U2AF2: variants seen among roughly 807,000 people sequenced by gnomAD.
The protein encoded by U2AF2 is splicing factor U2AF 65 kDa subunit.
In U2AF2, 6 loss-of-function variants were observed where a neutral mutation model predicts 52.6. The observed-to-expected ratio is 0.11, with a 90% CI of 0.06 to 0.23. The LOEUF is 0.23. Ranked by LOEUF, U2AF2 falls within the 10% of genes least tolerant of loss-of-function variation. The probability of loss-of-function intolerance (pLI) is 1.00; values close to 1 mark genes in which losing one functional copy is unlikely to be tolerated. For synonymous variants in U2AF2, 284 were observed against 258.2 expected, an observed-to-expected ratio of 1.10 and a Z score of -0.96; for missense variants, 222 against 677.1, an observed-to-expected ratio of 0.33 and a Z score of 7.46.
At chr19:55,666,251 C>T (rs1451827321) in intron 7 of U2AF2, among the ~76,000 whole-genome samples, 1 of 152,210 alleles carries the variant, frequency 6.6e-6, no homozygotes, top group East Asian at 1.9e-4. Context: ...GAGGAAAGAG[C>T]TTCGGGACAA....
chr19:55,666,765 T>A (rs772873066), intron 7 of U2AF2, among the ~76,000 whole-genome samples: 2 of 152,216 alleles, frequency 1.3e-5, no homozygotes, highest in Non-Finnish European at 2.9e-5. Flanking sequence ...TGGCTCTGTG[T>A]TGCTCAAGTG....
Position 55,674,424 on chromosome 19 carries a change from T to G in U2AF2, c.*356T>G. The G allele has an allele frequency of 9.1e-6, 2 of 219,272 alleles. No individual in the cohort carries two copies. Among genetic ancestry groups the G allele is most frequent in the African/African-American group, 2.3e-5 (1 of 43,676 alleles). The allele number at this position is 219,272 out of a possible 1,614,324, so 13.6% of individuals were successfully genotyped here. ...TCCCATAGACCCCTTTCTTCTCCCCTTCCCCACGGTAGGAACATAGCGTGT... is the reference window on the plus strand; with the variant it reads ...TCCCATAGACCCCTTTCTTCTCCCCGTCCCCACGGTAGGAACATAGCGTGT... On this transcript the variant is annotated 3_prime_UTR_variant, in exon 12 of 12. Coordinates refer to ENST00000308924, the MANE Select transcript of U2AF2 (RefSeq NM_007279.3).
chr19:55,668,614 G>GGCCCCCCCCCCCCCCC lies in U2AF2; in HGVS notation c.822+28_822+29insGCCCCCCCCCCCCCCC. Reference sequence around the variant, plus strand: ...AACTTCCCTGCCTCCCTCCAGACCCGTCCCCCCACCCCGCCCCACCTCATC... The same window carrying GGCCCCCCCCCCCCCCC: ...AACTTCCCTGCCTCCCTCCAGACCCGGCCCCCCCCCCCCCCCTCCCCCCACCCCGCCCCACCTCATC... On this transcript the variant is annotated intron_variant, in intron 8 of 11. Transcript: ENST00000308924. This position sits in a 1 kb window ranked among gnomAD's most constrained non-coding sequence, Gnocchi z 5.5. The GGCCCCCCCCCCCCCCC allele has an allele frequency of 7.6e-7, 1 of 1,324,234 alleles. No homozygotes were observed. Among genetic ancestry groups the GGCCCCCCCCCCCCCCC allele is most frequent in the Non-Finnish European group, 1.1e-6 (1 of 945,510 alleles). The allele number at this position is 1,324,234 out of a possible 1,614,324, so 82.0% of individuals were successfully genotyped here. A position where few individuals can be genotyped will look rare whatever the true frequency, so the allele number is the denominator to read the frequency against.
intron 1 of U2AF2, 193 bp from the exon 2 acceptor site, chr19:55,659,017 C>T: frequency 1.2e-6 from 1 of 846,448 alleles, no homozygotes. Flanking sequence ...CAGGCCCCGT[C>T]CCCCTGGTCC....
At chr19:55,660,142 C>T in intron 2 of U2AF2, 35 bp from the exon 3 acceptor site, 1 of 1,585,304 alleles carries the variant, frequency 6.3e-7, no homozygotes, top group Non-Finnish European at 8.6e-7. Context: ...GGTCCCCAGT[C>T]ACCCCTCCCC....
intron 11 of U2AF2, chr19:55,672,167 ATTC>A (rs1239908595): frequency 1.3e-5 from 2 of 151,334 alleles, no homozygotes; most frequent in Non-Finnish European, 2.9e-5. Context: ...GTATTGTTTT[ATTC>A]TTAAATTTTT....
intron 11 of U2AF2, among the ~76,000 whole-genome samples, chr19:55,672,942 CAAT>C (rs770347020): frequency 2.1e-3 from 320 of 151,234 alleles, no homozygotes; most frequent in Non-Finnish European, 3.5e-3. Context: ...CGCGCCCGGC[CAAT>C]AATTTTTTTT....
chr19:55,655,856 G>C (rs1193888027), intron 1 of U2AF2, among the ~76,000 whole-genome samples: 3 of 152,250 alleles, frequency 2.0e-5, no homozygotes, highest in African/African-American at 4.8e-5. Context: ...CACACATCCT[G>C]CATATGCGGG....
intron 1 of U2AF2, among the ~76,000 whole-genome samples, chr19:55,657,062 A>C (rs1983841295): frequency 6.6e-6 from 1 of 152,210 alleles, no homozygotes; most frequent in Non-Finnish European, 1.5e-5. Context: ...ACTGATTCTG[A>C]GCTCTGGCTG....
At chr19:55,662,464 T>TTC in intron 5 of U2AF2, 38 bp from the exon 6 acceptor site, 1 of 613,018 alleles carries the variant, frequency 1.6e-6, no homozygotes, top group Admixed American at 2.3e-5. Flanking sequence ...CCACCTCCCT[T>TTC]CCCCCGCCCC....
rs570180305 is a variant in U2AF2, at chr19:55,657,262, C to G, written c.50-1948C>G. On this transcript the variant is annotated intron_variant, in intron 1 of 11. Coordinates refer to ENST00000308924, the MANE Select transcript of U2AF2 (RefSeq NM_007279.3). Reference sequence around the variant, plus strand: ...GATGACCACAATACAGTGTTTTGAGCAAACGAAGCTCTCATTGTTTTTACC... The same window carrying G: ...GATGACCACAATACAGTGTTTTGAGGAAACGAAGCTCTCATTGTTTTTACC... 3.9e-5 allele frequency among the ~76,000 whole-genome samples: 6 copies of G among 152,336 alleles called. No individual in the cohort carries two copies. The South Asian group carries it at 1.2e-3, about 32-fold the overall frequency.
At chr19:55,665,071 T>A (rs925936928) in intron 7 of U2AF2, among the ~76,000 whole-genome samples, 3 of 152,212 alleles carry the variant, frequency 2.0e-5, no homozygotes, top group Non-Finnish European at 4.4e-5. Context: ...TTGGAGCCTG[T>A]AATATATGTT....
intron 1 of U2AF2, 89 bp from the exon 2 acceptor site, chr19:55,659,121 G>T: frequency 7.1e-7 from 1 of 1,404,766 alleles, no homozygotes; most frequent in Non-Finnish European, 9.3e-7. Flanking sequence ...CCTCCCTGGG[G>T]CTTGGGACAT....
chr19:55,665,576 C>T (rs1210857412), intron 7 of U2AF2, among the ~76,000 whole-genome samples: 2 of 152,242 alleles, frequency 1.3e-5, no homozygotes, highest in African/African-American at 4.8e-5. Flanking sequence ...CCTCCATGCA[C>T]GGCAGTTCTA....
chr19:55,656,060 C>G (rs924114377), intron 1 of U2AF2, among the ~76,000 whole-genome samples: 5 of 152,180 alleles, frequency 3.3e-5, no homozygotes, highest in Non-Finnish European at 5.9e-5. Context: ...AGGTGGGAGG[C>G]AGGTTCCCTT....
intron 5 of U2AF2, chr19:55,662,248 C>A: frequency 2.6e-6 from 1 of 391,030 alleles, no homozygotes; most frequent in South Asian, 5.6e-5. Context: ...TGTGGCTGTC[C>A]CCCAACGCCT....
rs1473201051 is a variant in U2AF2, at chr19:55,660,565, G to A, written c.280G>A (p.Val94Met). 4 of 1,601,614 alleles carry A rather than the reference G, an allele frequency of 2.5e-6. No individual in the cohort carries two copies. Among genetic ancestry groups the A allele is most frequent in the Non-Finnish European group, 1.7e-6 (2 of 1,173,718 alleles). ...GAAGAAGGTCCGTAAATACTGGGAC[G>A]TGCCACCCCCAGGCTTTGAGCACAT... Reference protein sequence around the residue: ...KKKKVRKYWDVPPPGFEHITP... With the variant: ...KKKKVRKYWDMPPPGFEHITP... Residue 94 changes from valine (V) to methionine (M), a missense_variant, in exon 4 of 12, where the codon GTG becomes ATG. Coordinates refer to ENST00000308924, the MANE Select transcript of U2AF2 (RefSeq NM_007279.3).
intron 11 of U2AF2, 139 bp downstream of exon 11, chr19:55,669,831 C>T (rs1423928845): frequency 3.0e-6 from 4 of 1,326,982 alleles, no homozygotes; most frequent in Admixed American, 2.8e-5. Context: ...TCTCCTCTCG[C>T]AGCGCGTGCG....
Position 55,660,638 on chromosome 19 carries a change from T to C in U2AF2, c.334+19T>C, listed in dbSNP as rs375481424. The C allele has an allele frequency of 1.9e-5, 31 of 1,608,966 alleles. No individual in the cohort carries two copies. The highest frequency in any genetic ancestry group is 2.4e-5 in the Non-Finnish European group (28 of 1,176,608). On this transcript the variant is annotated intron_variant, in intron 4 of 11. Transcript: ENST00000308924. ...ATGCAAGGTAGGCCCCTGGCCAGGC[T>C]GCTCCCAGAGCGGGAGGGTACAGGG...
Sources: gnomAD v4.1 joint callset for allele counts (sites outside exome capture counted in the v4.1 genomes callset) on GRCh38, gnomAD v4.1.1 for gene constraint, Gnocchi (gnomAD v3.1) non-coding constraint, MANE v1.5 for transcripts, NCBI Gene and HGNC (gene_info 2026-07-23, HGNC 2026-07-21) for gene names.